The following NOL4 variants were observed in gnomAD, a reference collection of about 807,000 sequenced individuals.
NOL4 encodes the protein nucleolar protein 4.
A neutral mutation model predicts 75.9 loss-of-function variants in NOL4; 17 were observed. That is an observed-to-expected ratio of 0.22 (90% CI 0.15 to 0.34). The LOEUF is 0.34. NOL4 is among the 10% of genes least tolerant of loss of function. NOL4 has a pLI of 1.00. For synonymous variants in NOL4, 292 were observed against 289.9 expected (o/e 1.01, Z -0.07); for missense variants, 614 against 793.5 (o/e 0.77, Z 2.72).
At chr18:34,038,193 A>G (rs1188508665) in intron 5 of NOL4, among the ~76,000 whole-genome samples, 1 of 152,150 alleles carries the variant, frequency 6.6e-6, no homozygotes, top group Non-Finnish European at 1.5e-5. Context: ...ACAATGAGAG[A>G]TCATCTTATC....
chr18:33,936,650 CT>C (rs1319068709), intron 9 of NOL4, among the ~76,000 whole-genome samples: 1 of 152,052 alleles, frequency 6.6e-6, no homozygotes, highest in African/African-American at 2.4e-5. Context: ...GCAGTAACTG[CT>C]GGGCTCCTGC....
intron 1 of NOL4, among the ~76,000 whole-genome samples, chr18:34,164,700 T>A (rs12960188): frequency 3.3e-5 from 5 of 151,426 alleles, no homozygotes; most frequent in African/African-American, 7.3e-5. Context: ...TCAGGGATCT[T>A]GAACTAGAAA....
intron 1 of NOL4, among the ~76,000 whole-genome samples, chr18:34,147,397 C>T (rs1214790170): frequency 7.2e-5 from 11 of 152,032 alleles, no homozygotes; most frequent in Admixed American, 7.2e-4. Context: ...TCCATCAATA[C>T]CTAGTTTATT....
intron 9 of NOL4, among the ~76,000 whole-genome samples, chr18:33,903,243 G>T (rs1044034809): frequency 6.6e-6 from 1 of 152,100 alleles, no homozygotes; most frequent in Non-Finnish European, 1.5e-5. Flanking sequence ...AGAGTGCACA[G>T]GGGGAAACTT....
intron 10 of NOL4, among the ~76,000 whole-genome samples, chr18:33,860,179 G>A (rs72955205): frequency 0.15 from 23,098 of 151,976 alleles, 1,906 homozygotes; most frequent in Non-Finnish European, 0.19. Flanking sequence ...CACCCCCATG[G>A]TCCAATAACT....
intron 1 of NOL4, among the ~76,000 whole-genome samples, chr18:34,181,542 T>A (rs1398802250): frequency 6.6e-6 from 1 of 151,504 alleles, no homozygotes; most frequent in Non-Finnish European, 1.5e-5. Context: ...ATATACAGTA[T>A]AAGCAGCCAA....
chr18:33,916,295 C>T (rs1182856232), intron 9 of NOL4, among the ~76,000 whole-genome samples: 1 of 152,034 alleles, frequency 6.6e-6, no homozygotes, highest in Admixed American at 6.6e-5. Flanking sequence ...AGATAATGGC[C>T]TGTGTATAGG....
intron 9 of NOL4, among the ~76,000 whole-genome samples, chr18:33,887,455 T>C (rs1332468914): frequency 6.6e-6 from 1 of 151,352 alleles, no homozygotes; most frequent in Non-Finnish European, 1.5e-5. Flanking sequence ...AGTTCTAGGG[T>C]ACATGTGCAC....
At chr18:33,911,142 C>T (rs1042498290) in intron 9 of NOL4, among the ~76,000 whole-genome samples, 1 of 151,602 alleles carries the variant, frequency 6.6e-6, no homozygotes, top group African/African-American at 2.4e-5. Flanking sequence ...GCTCCTCCCC[C>T]CCACCCCACC....
intron 9 of NOL4, among the ~76,000 whole-genome samples, chr18:33,933,262 G>A (rs964687648): frequency 1.2e-4 from 18 of 152,142 alleles, no homozygotes; most frequent in Non-Finnish European, 2.4e-4. Flanking sequence ...GCTTAAAAAT[G>A]TTAACAATCA....
At chr18:34,026,146 T>G (rs570836974) in intron 5 of NOL4, among the ~76,000 whole-genome samples, 90 of 152,256 alleles carry the variant, frequency 5.9e-4, no homozygotes, top group Non-Finnish European at 1.1e-3. Flanking sequence ...CTCAAATCTG[T>G]TCTCCTTCTA....
At chr18:34,033,398 A>G (rs2075736745) in intron 5 of NOL4, among the ~76,000 whole-genome samples, 1 of 152,056 alleles carries the variant, frequency 6.6e-6, no homozygotes, top group Non-Finnish European at 1.5e-5. Context: ...TTATTTGAAT[A>G]AAGTTAAAAA....
At chr18:33,979,628 T>C (rs1219009237) in intron 6 of NOL4, among the ~76,000 whole-genome samples, 1 of 151,922 alleles carries the variant, frequency 6.6e-6, no homozygotes, top group Non-Finnish European at 1.5e-5. Flanking sequence ...AGAAATAGCA[T>C]GTGGAGTATA....
intron 1 of NOL4, among the ~76,000 whole-genome samples, chr18:34,213,777 TA>T (rs1231658520): frequency 6.6e-6 from 1 of 152,186 alleles, no homozygotes; most frequent in African/African-American, 2.4e-5. Context: ...TCATTCTTTA[TA>T]AATTAACCAT....
intron 1 of NOL4, among the ~76,000 whole-genome samples, chr18:34,218,024 C>T (rs1286926681): frequency 1.3e-5 from 2 of 150,988 alleles, no homozygotes; most frequent in African/African-American, 2.4e-5. Flanking sequence ...TTTGTTTTAT[C>T]TTGTTATATA....
At chr18:34,104,900 T>C in intron 3 of NOL4, 149 bp downstream of exon 3, 1 of 534,230 alleles carries the variant, frequency 1.9e-6, no homozygotes. Context: ...TAAGTGGATA[T>C]TCAAAATTCA....
intron 2 of NOL4, among the ~76,000 whole-genome samples, chr18:34,129,362 A>C (rs1010347546): frequency 6.6e-6 from 1 of 151,840 alleles, no homozygotes; most frequent in African/African-American, 2.4e-5. Context: ...AAATTAAGAA[A>C]TACATACCCT....
chr18:34,003,487 A>G (rs1006442502), intron 6 of NOL4, among the ~76,000 whole-genome samples: 1 of 152,178 alleles, frequency 6.6e-6, no homozygotes, highest in African/African-American at 2.4e-5. Context: ...AGGATTTAGA[A>G]GAGCATATCA....
intron 5 of NOL4, among the ~76,000 whole-genome samples, chr18:34,064,465 C>T (rs1342072298): frequency 4.0e-5 from 6 of 151,840 alleles, no homozygotes; most frequent in Non-Finnish European, 7.4e-5. Context: ...TTCAGAAGTT[C>T]GTCTGAAATA....
Sources: gnomAD v4.1 joint callset for allele counts (sites outside exome capture counted in the v4.1 genomes callset) on GRCh38, gnomAD v4.1.1 for gene constraint, MANE v1.5 for transcripts, NCBI Gene and HGNC (gene_info 2026-07-23, HGNC 2026-07-21) for gene names.